ADGRB3: variants seen among roughly 807,000 people sequenced by gnomAD.
ADGRB3 encodes the protein brain-specific angiogenesis inhibitor 3.
In ADGRB3, 37 loss-of-function variants were observed where a neutral mutation model predicts 193.4. That is an observed-to-expected ratio of 0.19 (90% CI 0.15 to 0.25). The LOEUF (loss-of-function observed/expected upper bound fraction) is 0.25, where lower values mean the gene tolerates loss of function less well. Among genes scored for constraint, ADGRB3 ranks in the 10% least tolerant of loss-of-function variants. ADGRB3 has a pLI of 1.00. For synonymous variants in ADGRB3, 690 were observed against 644.2 expected (o/e 1.07, Z -1.08); for missense variants, 1,637 against 1,852.9 (o/e 0.88, Z 2.14).
intron 20 of ADGRB3, among the ~76,000 whole-genome samples, chr6:69,302,316 G>A (rs1306628989): frequency 6.6e-6 from 1 of 151,890 alleles, no homozygotes; most frequent in African/African-American, 2.4e-5. Context: ...AACTTTGAAG[G>A]GAAATTATAA....
At chr6:68,916,898 C>T (rs1213702328) in intron 3 of ADGRB3, among the ~76,000 whole-genome samples, 1 of 152,088 alleles carries the variant, frequency 6.6e-6, no homozygotes, top group Non-Finnish European at 1.5e-5. Context: ...AGTTTGGATT[C>T]TATTCTAAAT....
intron 3 of ADGRB3, among the ~76,000 whole-genome samples, chr6:68,797,881 C>A (rs188004648): frequency 2.6e-5 from 4 of 152,184 alleles, no homozygotes; most frequent in African/African-American, 9.6e-5. Context: ...TATAATAATT[C>A]TTTTGCTTTA....
chr6:69,331,468 C>A, intron 23 of ADGRB3: 1 of 863,752 alleles, frequency 1.2e-6, no homozygotes, highest in Non-Finnish European at 1.4e-6. Context: ...TTGAATGACT[C>A]ATTCAAAAAA....
chr6:68,899,882 T>G (rs990795507), intron 3 of ADGRB3, among the ~76,000 whole-genome samples: 3 of 152,106 alleles, frequency 2.0e-5, no homozygotes, highest in Non-Finnish European at 4.4e-5. Flanking sequence ...TATTAAAATT[T>G]TTAAATACAT....
chr6:69,260,061 G>A (rs1766890689), intron 20 of ADGRB3, among the ~76,000 whole-genome samples: 1 of 152,188 alleles, frequency 6.6e-6, no homozygotes, highest in Non-Finnish European at 1.5e-5. Context: ...TTATGTGTGT[G>A]TGCACATGTG....
At chr6:68,706,732 G>T (rs766949984) in intron 3 of ADGRB3, among the ~76,000 whole-genome samples, 20 of 152,220 alleles carry the variant, frequency 1.3e-4, no homozygotes, top group Non-Finnish European at 2.8e-4. Flanking sequence ...AAATGTTAGT[G>T]TTACTACAGG....
At chr6:68,861,442 G>T (rs1223263667) in intron 3 of ADGRB3, among the ~76,000 whole-genome samples, 1 of 152,054 alleles carries the variant, frequency 6.6e-6, no homozygotes, top group Non-Finnish European at 1.5e-5. Context: ...GGCACCTGTA[G>T]TCCCAGCTGC....
chr6:69,211,420 C>A (rs1765664855), intron 17 of ADGRB3, among the ~76,000 whole-genome samples: 1 of 151,996 alleles, frequency 6.6e-6, no homozygotes, highest in South Asian at 2.1e-4. Flanking sequence ...CAAACTTAAT[C>A]CTATATATCT....
intron 20 of ADGRB3, among the ~76,000 whole-genome samples, chr6:69,286,585 CA>C (rs1056844555): frequency 1.8e-4 from 27 of 152,224 alleles, no homozygotes; most frequent in South Asian, 1.2e-3. Flanking sequence ...GAAGGCCTGC[CA>C]AAAAATGACT....
intron 18 of ADGRB3, among the ~76,000 whole-genome samples, chr6:69,234,151 CA>C (rs1303452427): frequency 1.3e-5 from 2 of 152,050 alleles, no homozygotes; most frequent in South Asian, 2.1e-4. Context: ...ATTTTGATGA[CA>C]AAAAACTAAT....
At chr6:68,987,743 G>A (rs964285491) in intron 10 of ADGRB3, among the ~76,000 whole-genome samples, 1 of 152,040 alleles carries the variant, frequency 6.6e-6, no homozygotes, top group Non-Finnish European at 1.5e-5. Context: ...CTGTAAATGT[G>A]AATCATTATG....
rs140785518 is a variant in ADGRB3, at chr6:68,956,217, C to T, written c.1360+29C>T. ...GGGCTTGATTCCTGCATATCATGGG[C>T]ACTCGTACCATGTAAAGGGCACATT... On this transcript the variant is annotated intron_variant, in intron 7 of 31. Coordinates refer to ENST00000370598, the MANE Select transcript of ADGRB3 (RefSeq NM_001704.3). The T allele has an allele frequency of 4.0e-4, 637 of 1,574,752 alleles. 6 individuals are homozygous for T. In the East Asian group the frequency reaches 0.013, roughly 31 times the overall value.
intron 3 of ADGRB3, among the ~76,000 whole-genome samples, chr6:68,712,720 T>C (rs1765426261): frequency 6.6e-6 from 1 of 152,050 alleles, no homozygotes; most frequent in Middle Eastern, 3.4e-3. Flanking sequence ...GATTTTGCTT[T>C]CCCTGTTTAC....
intron 17 of ADGRB3, among the ~76,000 whole-genome samples, chr6:69,158,969 C>T (rs921847311): frequency 7.9e-5 from 12 of 152,010 alleles, no homozygotes; most frequent in Non-Finnish European, 1.5e-4. Context: ...TTATTTCCTC[C>T]AGCATCCAAC....
At chr6:68,903,692 A>T (rs1766459276) in intron 3 of ADGRB3, among the ~76,000 whole-genome samples, 2 of 152,016 alleles carry the variant, frequency 1.3e-5, no homozygotes. Context: ...ACCACCTCTG[A>T]TGCTTTCTAA....
At chr6:68,965,504 G>C (rs80272224) in intron 8 of ADGRB3, among the ~76,000 whole-genome samples, 2,017 of 151,922 alleles carry the variant, frequency 0.013, 44 homozygotes, top group African/African-American at 0.046. Context: ...TCTTTTTAAT[G>C]CTGAAATTCT....
At chr6:69,273,879 T>A (rs1320070753) in intron 20 of ADGRB3, among the ~76,000 whole-genome samples, 1 of 152,118 alleles carries the variant, frequency 6.6e-6, no homozygotes, top group Non-Finnish European at 1.5e-5. Context: ...TGGGGGTAAA[T>A]TCTCACCAGT....
intron 17 of ADGRB3, among the ~76,000 whole-genome samples, chr6:69,112,740 G>T (rs1183401364): frequency 6.6e-6 from 1 of 150,908 alleles, no homozygotes; most frequent in African/African-American, 2.4e-5. Flanking sequence ...ATTGTATTAG[G>T]TATTATAAGT....
chr6:68,983,042 T>C (rs1244095100), intron 10 of ADGRB3, among the ~76,000 whole-genome samples: 2 of 152,156 alleles, frequency 1.3e-5, no homozygotes, highest in Non-Finnish European at 2.9e-5. Context: ...ATGTGAGTTT[T>C]TCTAGTTGCA....
Sources: gnomAD v4.1 joint callset for allele counts (sites outside exome capture counted in the v4.1 genomes callset) on GRCh38, gnomAD v4.1.1 for gene constraint, MANE v1.5 for transcripts, NCBI Gene and HGNC (gene_info 2026-07-23, HGNC 2026-07-21) for gene names.